ADHFE1: variants seen among roughly 807,000 people sequenced by gnomAD.
ADHFE1 encodes the protein alcohol dehydrogenase iron containing 1.
Under a neutral mutation model 54.8 loss-of-function variants are expected in ADHFE1, and 37 were observed. The observed-to-expected ratio is 0.68, with a 90% CI of 0.52 to 0.89. The LOEUF (loss-of-function observed/expected upper bound fraction) is 0.89. Ranked by LOEUF, ADHFE1 falls within the 40% of genes least tolerant of loss-of-function variation. The probability of loss-of-function intolerance (pLI) is 0.00; values close to 1 mark genes in which losing one functional copy is unlikely to be tolerated. For synonymous variants in ADHFE1, 203 were observed against 229.3 expected (o/e 0.89, Z 1.04); for missense variants, 601 against 591.2 (o/e 1.02, Z -0.17).
intron 8 of ADHFE1, among the ~76,000 whole-genome samples, chr8:66,449,579 T>C (rs1806196899): frequency 1.3e-5 from 2 of 152,338 alleles, no homozygotes; most frequent in South Asian, 4.1e-4. Context: ...TTACTGTATG[T>C]TCCCTCGGCT....
chr8:66,441,125 ATTAG>A (rs1805723885), intron 2 of ADHFE1, among the ~76,000 whole-genome samples: 1 of 152,284 alleles, frequency 6.6e-6, no homozygotes, highest in African/African-American at 2.4e-5. Flanking sequence ...GGTTTCAACA[ATTAG>A]TTAATTTCCT....
intron 2 of ADHFE1, 33 bp from the exon 3 acceptor site, chr8:66,442,765 G>GCATGCTATAA (rs775381153): frequency 1.3e-6 from 2 of 1,576,962 alleles, no homozygotes; most frequent in Non-Finnish European, 1.7e-6. Context: ...TTTTTTTAAA[G>GCATGCTATAA]ACCCACTTTG....
chr8:66,439,606 G>A lies in ADHFE1; in HGVS notation c.60-556G>A. On this transcript the variant is annotated intron_variant, in intron 1 of 13. Transcript: ENST00000396623. The surrounding 1 kb of genome is among the most constrained non-coding windows in gnomAD (Gnocchi z 4.4). ...GGACGGAGGAGAGCTCGGAGCCCGG[G>A]GCTGCAACTGGGCAGAGAAAGATGG... 1.0e-6 allele frequency: 1 copy of A among 985,970 alleles called. No individual in the cohort carries two copies. Among genetic ancestry groups the A allele is most frequent in the Non-Finnish European group, 1.2e-6 (1 of 830,364 alleles). 61.1% of individuals were successfully genotyped at this position (985,970 alleles called of 1,614,324 possible).
chr8:66,458,545 C>G (rs988395605), intron 12 of ADHFE1, among the ~76,000 whole-genome samples: 1 of 152,082 alleles, frequency 6.6e-6, no homozygotes, highest in Non-Finnish European at 1.5e-5. Flanking sequence ...GAAGAGAGAG[C>G]GCAAATCATA....
intron 8 of ADHFE1, among the ~76,000 whole-genome samples, chr8:66,451,713 C>T (rs540869683): frequency 3.7e-4 from 57 of 152,250 alleles, no homozygotes; most frequent in African/African-American, 1.3e-3. Context: ...TAATCTTATA[C>T]ATACTACTCA....
intron 13 of ADHFE1, among the ~76,000 whole-genome samples, chr8:66,465,525 G>A (rs1223792205): frequency 6.6e-6 from 1 of 152,108 alleles, no homozygotes; most frequent in Non-Finnish European, 1.5e-5. Flanking sequence ...ATATTCTTTG[G>A]AGAAATAACT....
intron 8 of ADHFE1, among the ~76,000 whole-genome samples, chr8:66,450,424 A>G (rs924011769): frequency 6.6e-6 from 1 of 152,216 alleles, no homozygotes; most frequent in Non-Finnish European, 1.5e-5. Context: ...ACCTGGCCTG[A>G]GGAATCTGCC....
chr8:66,453,709 G>A, intron 9 of ADHFE1: 1 of 1,370,930 alleles, frequency 7.3e-7, no homozygotes, highest in South Asian at 1.1e-5. Context: ...TCCCTTCACA[G>A]GGCCGTCAAC....
intron 10 of ADHFE1, among the ~76,000 whole-genome samples, chr8:66,455,962 A>G (rs74834033): frequency 6.6e-6 from 1 of 151,874 alleles, no homozygotes; most frequent in Non-Finnish European, 1.5e-5. Context: ...CAACAACAAC[A>G]AAAAAAACTA....
intron 8 of ADHFE1, among the ~76,000 whole-genome samples, chr8:66,449,921 C>A (rs1408097329): frequency 6.6e-6 from 1 of 152,146 alleles, no homozygotes; most frequent in Non-Finnish European, 1.5e-5. Flanking sequence ...GAGTTTGAGA[C>A]CAGCCTGGGC....
At position 66,439,876 on chromosome 8, in the gene ADHFE1, C is replaced by A; in HGVS notation, c.60-286C>A. 1.2e-6 allele frequency: 1 copy of A among 844,424 alleles called. No homozygotes were observed. The highest frequency in any genetic ancestry group is 1.6e-6 in the Non-Finnish European group (1 of 626,240). The allele number at this position is 844,424 out of a possible 1,614,324, so 52.3% of individuals were successfully genotyped here. On this transcript the variant is annotated intron_variant, in intron 1 of 13. Coordinates refer to ENST00000396623, the MANE Select transcript of ADHFE1 (RefSeq NM_144650.3). The surrounding 1 kb of genome is among the most constrained non-coding windows in gnomAD (Gnocchi z 4.4). Reference sequence around the variant, plus strand: ...CCCATCTTAAACTTGCATGTACCCCCAGAGCGTTTATCTCAGCTGCCCGCA... The same window carrying A: ...CCCATCTTAAACTTGCATGTACCCCAAGAGCGTTTATCTCAGCTGCCCGCA...
At chr8:66,455,070 C>G (rs139689479) in intron 10 of ADHFE1, among the ~76,000 whole-genome samples, 1 of 152,316 alleles carries the variant, frequency 6.6e-6, no homozygotes, top group East Asian at 1.9e-4. Context: ...TAAATGGAAT[C>G]ATAGAATATG....
chr8:66,444,321 C>A, intron 3 of ADHFE1, 46 bp from the exon 4 acceptor site: 1 of 1,582,430 alleles, frequency 6.3e-7, no homozygotes, highest in Non-Finnish European at 8.7e-7. Context: ...ATGGACTGGC[C>A]AACTCTCAAA....
chr8:66,462,789 T>G (rs1049934766), intron 13 of ADHFE1, among the ~76,000 whole-genome samples: 4 of 152,208 alleles, frequency 2.6e-5, no homozygotes, highest in African/African-American at 9.6e-5. Context: ...CTTCTAATTC[T>G]ACTGTGGTCA....
chr8:66,459,901 G>A lies in ADHFE1; in HGVS notation c.1163-407G>A, dbSNP rs570001461. On this transcript the variant is annotated intron_variant, in intron 12 of 13. Transcript: ENST00000396623. Reference sequence around the variant, plus strand: ...TTGCAAAGGATTTGTCTTTTTCTAAGATGTTGCTGTGGGAAAAGACGTTGA... The same window carrying A: ...TTGCAAAGGATTTGTCTTTTTCTAAAATGTTGCTGTGGGAAAAGACGTTGA... The A allele has an allele frequency of 4.5e-3, 711 of 157,312 alleles. 1 individual carries two copies. The highest frequency in any genetic ancestry group is 7.3e-3 in the Non-Finnish European group (524 of 71,418). The allele number at this position is 157,312 out of a possible 1,614,324, so 9.7% of individuals were successfully genotyped here.
chr8:66,451,387 A>T (rs904010130), intron 8 of ADHFE1, among the ~76,000 whole-genome samples: 2 of 152,212 alleles, frequency 1.3e-5, no homozygotes, highest in Non-Finnish European at 2.9e-5. Context: ...ATCATGAACC[A>T]GTACTATTAT....
chr8:66,439,681 T>A lies in ADHFE1; in HGVS notation c.60-481T>A. ...GGAAGTTCTCCTGGAGGCTCAGGTC[T>A]AGAGCCTGCCTGAAGAAAAATTAGA... is the stretch of plus-strand genomic sequence containing the variant. On this transcript the variant is annotated intron_variant, in intron 1 of 13. Transcript: ENST00000396623. The surrounding 1 kb of genome is among the most constrained non-coding windows in gnomAD (Gnocchi z 4.4). 4.0e-6 allele frequency: 4 copies of A among 987,846 alleles called. No individual in the cohort carries two copies. Among genetic ancestry groups the A allele is most frequent in the Non-Finnish European group, 4.8e-6 (4 of 831,594 alleles). The allele number at this position is 987,846 out of a possible 1,614,324, so 61.2% of individuals were successfully genotyped here.
chr8:66,440,229 C>T (rs761836600), intron 2 of ADHFE1, 30 bp downstream of exon 2: 43 of 1,604,010 alleles, frequency 2.7e-5, no homozygotes, highest in Non-Finnish European at 2.8e-5. Flanking sequence ...AAACTAGCCA[C>T]AATTTTGGTT....
intron 1 of ADHFE1, among the ~76,000 whole-genome samples, chr8:66,435,014 T>A (rs1805391677): frequency 6.6e-6 from 1 of 151,666 alleles, no homozygotes. Flanking sequence ...CAGCCCTGCT[T>A]TGACTGTGTT....
Sources: gnomAD v4.1 joint callset for allele counts (sites outside exome capture counted in the v4.1 genomes callset) on GRCh38, gnomAD v4.1.1 for gene constraint, Gnocchi (gnomAD v3.1) non-coding constraint, MANE v1.5 for transcripts, NCBI Gene and HGNC (gene_info 2026-07-23, HGNC 2026-07-21) for gene names.